The following ACER2 variants were observed in gnomAD, a reference collection of about 807,000 sequenced individuals.
ACER2 encodes the protein alkCDase 2.
In ACER2, 26 loss-of-function variants were observed where a neutral mutation model predicts 34.7. The observed-to-expected ratio is 0.75, with a 90% CI of 0.55 to 1.04. The LOEUF is 1.04. Ranked by LOEUF, ACER2 falls within the 50% of genes least tolerant of loss-of-function variation. ACER2 has a pLI of 0.00. For synonymous variants in ACER2, 138 were observed against 132.1 expected (o/e 1.04, Z -0.31); for missense variants, 352 against 340.8 (o/e 1.03, Z -0.26).
chr9:19,450,107 T>C, intron 5 of ACER2: 1 of 732,314 alleles, frequency 1.4e-6, no homozygotes, highest in Non-Finnish European at 1.7e-6. Flanking sequence ...TGGGTTCTAA[T>C]CAGATGTGCT....
intron 4 of ACER2, among the ~76,000 whole-genome samples, chr9:19,440,131 T>C (rs967466137): frequency 3.3e-5 from 5 of 152,222 alleles, no homozygotes; most frequent in Non-Finnish European, 7.3e-5. Flanking sequence ...TTATGTATTA[T>C]TCTCTCGGCT....
rs12686737 is a variant in ACER2, at chr9:19,434,450, G to A, written c.366-497G>A. On this transcript the variant is annotated intron_variant, in intron 3 of 5. Coordinates refer to ENST00000340967, the MANE Select transcript of ACER2 (RefSeq NM_001010887.3). ...TGGGAGGTGGAGGTTGTAGCGAGCC[G>A]AGATCACGCCACTGCACTCCAGCCT... 6.8e-4 allele frequency among the ~76,000 whole-genome samples: 104 copies of A among 152,368 alleles called. No individual in the cohort carries two copies. In the East Asian group the frequency reaches 0.018, roughly 26 times the overall value.
At position 19,446,358 on chromosome 9, in the gene ACER2, G is replaced by A. The variant is rs1039405257; in HGVS notation, c.581G>A (p.Ser194Asn). The A allele has an allele frequency of 2.5e-6, 4 of 1,614,058 alleles. No homozygotes were observed. In the African/African-American group the frequency reaches 4.0e-5, roughly 16 times the overall value. The change falls in exon 5 of 6, where the codon AGT becomes AAT. Residue 194 changes from serine (S) to asparagine (N), a missense_variant. By Grantham distance (46) the Ser-to-Asn change is conservative. Coordinates refer to ENST00000340967, the MANE Select transcript of ACER2 (RefSeq NM_001010887.3). ...ACCCTGGCCCTGTTCTGCTGGATCA[G>A]TGACCGAGCTTTCTGCGAGCTGCTG... ...WWTLALFCWI[S>N]DRAFCELLSS...
chr9:19,435,733 C>T (rs1830942533), intron 4 of ACER2, among the ~76,000 whole-genome samples: 1 of 151,514 alleles, frequency 6.6e-6, no homozygotes, highest in Non-Finnish European at 1.5e-5. Context: ...GCCTGGGTGA[C>T]AGAGTGAGAC....
At chr9:19,437,094 C>A (rs1563886727) in intron 4 of ACER2, among the ~76,000 whole-genome samples, 1 of 152,132 alleles carries the variant, frequency 6.6e-6, no homozygotes, top group East Asian at 1.9e-4. Context: ...TCTCATTCAC[C>A]CTCTTGTGTT....
chr9:19,444,929 C>G (rs1239845516), intron 4 of ACER2, among the ~76,000 whole-genome samples: 1 of 152,226 alleles, frequency 6.6e-6, no homozygotes, highest in African/African-American at 2.4e-5. Context: ...ACAGGTCTTT[C>G]TGAACCTGTC....
chr9:19,423,562 A>G (rs1044714659), intron 1 of ACER2, among the ~76,000 whole-genome samples: 2 of 152,018 alleles, frequency 1.3e-5, no homozygotes, highest in African/African-American at 2.4e-5. Flanking sequence ...TGAGCCAGGT[A>G]TGGTGGTGGG....
At chr9:19,437,205 G>A (rs1000094488) in intron 4 of ACER2, among the ~76,000 whole-genome samples, 20 of 152,166 alleles carry the variant, frequency 1.3e-4, no homozygotes, top group African/African-American at 4.6e-4. Context: ...CCCAGTCAGA[G>A]CCTTCCTAAA....
intron 2 of ACER2, 151 bp downstream of exon 2, chr9:19,424,127 G>C: frequency 1.2e-6 from 1 of 802,234 alleles, no homozygotes; most frequent in East Asian, 2.7e-5. Flanking sequence ...CCACTTGCTT[G>C]AATGCAGGCT....
intron 3 of ACER2, among the ~76,000 whole-genome samples, chr9:19,425,990 C>G (rs1186046579): frequency 1.3e-5 from 2 of 152,166 alleles, no homozygotes; most frequent in Non-Finnish European, 2.9e-5. Flanking sequence ...TCTGTGGACT[C>G]AAATGGAGAA....
intron 2 of ACER2, chr9:19,424,456 C>T (rs1217235608): frequency 3.0e-6 from 3 of 985,172 alleles, no homozygotes; most frequent in Non-Finnish European, 3.6e-6. Context: ...AGACAGAATG[C>T]GTTTAACTGT....
chr9:19,409,319 C>A, intron 1 of ACER2, 127 bp downstream of exon 1: 2 of 823,462 alleles, frequency 2.4e-6, no homozygotes, highest in Non-Finnish European at 1.9e-6. Context: ...GGGGCTGAGT[C>A]AGTCCACACC....
chr9:19,446,969 G>A (rs1295169568), intron 5 of ACER2, among the ~76,000 whole-genome samples: 1 of 152,040 alleles, frequency 6.6e-6, no homozygotes, highest in East Asian at 1.9e-4. Context: ...CAACCTTGGA[G>A]TTCAGTAATA....
intron 5 of ACER2, among the ~76,000 whole-genome samples, chr9:19,448,137 G>C (rs939392344): frequency 6.6e-6 from 1 of 151,528 alleles, no homozygotes; most frequent in East Asian, 1.9e-4. Context: ...CCCCTGCAGG[G>C]AGCTGGGACT....
chr9:19,442,837 C>CTTT (rs113229012), intron 4 of ACER2, among the ~76,000 whole-genome samples: 10 of 144,676 alleles, frequency 6.9e-5, no homozygotes, highest in African/African-American at 2.5e-4. Flanking sequence ...CCAATAAATA[C>CTTT]TTTTTTTTTT....
At chr9:19,446,490 T>G in intron 5 of ACER2, 72 bp downstream of exon 5, 12 of 1,601,186 alleles carry the variant, frequency 7.5e-6, no homozygotes, top group Non-Finnish European at 1.0e-5. Flanking sequence ...CTGTTCACCC[T>G]GCAAGTGGTG....
intron 2 of ACER2, 53 bp downstream of exon 2, chr9:19,424,029 A>G: frequency 5.9e-6 from 8 of 1,361,832 alleles, no homozygotes; most frequent in Non-Finnish European, 8.4e-6. Context: ...GGATGGGGGT[A>G]GAAGGAATTC....
At chr9:19,422,456 C>G (rs1830436067) in intron 1 of ACER2, among the ~76,000 whole-genome samples, 1 of 152,004 alleles carries the variant, frequency 6.6e-6, no homozygotes, top group Non-Finnish European at 1.5e-5. Context: ...GGCTTAAATC[C>G]ATACCAAAAT....
intron 3 of ACER2, among the ~76,000 whole-genome samples, chr9:19,428,121 T>G (rs1056997548): frequency 5.3e-5 from 8 of 150,898 alleles, no homozygotes; most frequent in African/African-American, 2.0e-4. Context: ...TTTCTTTTCT[T>G]TTTTTCTTGA....
Sources: gnomAD v4.1 joint callset for allele counts (sites outside exome capture counted in the v4.1 genomes callset) on GRCh38, gnomAD v4.1.1 for gene constraint, MANE v1.5 for transcripts, NCBI Gene and HGNC (gene_info 2026-07-23, HGNC 2026-07-21) for gene names.